SLC9A7: variants seen among roughly 807,000 people sequenced by gnomAD.
SLC9A7 encodes the protein solute carrier family 9 member A7.
Under a neutral mutation model 52.6 loss-of-function variants are expected in SLC9A7, and 19 were observed. The ratio of observed to expected loss-of-function variants is 0.36; its 90% CI spans 0.25 to 0.53. The LOEUF is 0.53. Ranked by LOEUF, SLC9A7 falls within the 20% of genes least tolerant of loss-of-function variation. The pLI is 0.91. For synonymous variants in SLC9A7, 226 were observed against 252.1 expected (o/e 0.90, Z 0.98); for missense variants, 455 against 597.9 (o/e 0.76, Z 2.49).
chrX:46,738,095 GAAAGAAAGAAAGAGAAA>G (rs1921002857), intron 1 of SLC9A7, among the ~76,000 whole-genome samples: 10 of 56,708 alleles, frequency 1.8e-4, no homozygotes, highest in South Asian at 7.1e-4. Context: ...AAGAAAGAAA[GAAAGAAAGAAAGAGAAA>G]AGAAAAGAAA....
chrX:46,712,500 T>C (rs1346375846), intron 1 of SLC9A7, among the ~76,000 whole-genome samples: 4 of 111,418 alleles, frequency 3.6e-5, no homozygotes, highest in African/African-American at 1.3e-4. Context: ...CCACCCCCAT[T>C]AATCAAAACA....
In SLC9A7 at chrX:46,758,915, C is replaced by A; in HGVS notation, c.115G>T (p.Ala39Ser). The A allele has an allele frequency of 8.6e-7, 1 of 1,156,554 alleles. No homozygotes were observed. The highest frequency in any genetic ancestry group is 2.0e-5 in the South Asian group (1 of 50,580). Residue 39 changes from alanine to serine, a missense_variant, in exon 1 of 17, where the codon GCC becomes TCC. By Grantham distance (99) the Ala-to-Ser change is moderately conservative (BLOSUM62 1). This residue lies in a region of SLC9A7 where 304 missense variants were observed against 417.8 expected (regional missense o/e 0.73). Coordinates refer to ENST00000616978, the MANE Select transcript of SLC9A7 (RefSeq NM_001257291.2). ...LGWGLRVAAA[A>S]SASSSGAAAE... is the part of the protein sequence containing the mutation. ...GCCGCCCCAGAGGAGGAGGCCGAGG[C>A]CGCGGCCGCGACTCGCAGCCCCCAA...
At chrX:46,737,887 T>C (rs1173429592) in intron 1 of SLC9A7, among the ~76,000 whole-genome samples, 2 of 107,434 alleles carry the variant, frequency 1.9e-5, no homozygotes, top group Non-Finnish European at 3.8e-5. Context: ...AACTAGCAAG[T>C]GTGGTGGCAT....
chrX:46,737,781 C>T (rs977307291), intron 1 of SLC9A7, among the ~76,000 whole-genome samples: 1 of 110,798 alleles, frequency 9.0e-6, no homozygotes, highest in Non-Finnish European at 1.9e-5. Flanking sequence ...AATTCCAGCA[C>T]TTTGGGAGAC....
At chrX:46,695,351 A>G (rs907135927) in intron 1 of SLC9A7, among the ~76,000 whole-genome samples, 1 of 112,550 alleles carries the variant, frequency 8.9e-6, no homozygotes, top group African/African-American at 3.2e-5. Flanking sequence ...CCAGCAGACA[A>G]TATATTCTGT....
chrX:46,612,718 G>T (rs1035369043), intron 16 of SLC9A7, among the ~76,000 whole-genome samples: 4 of 108,599 alleles, frequency 3.7e-5, no homozygotes, highest in Non-Finnish European at 7.6e-5. Context: ...ACGAGGTCAG[G>T]AGTTCAAGAC....
At chrX:46,743,159 A>G (rs994867481) in intron 1 of SLC9A7, among the ~76,000 whole-genome samples, 19 of 112,364 alleles carry the variant, frequency 1.7e-4, no homozygotes, top group Non-Finnish European at 2.3e-4. Context: ...AGTTGACACC[A>G]CATATTACTC....
intron 5 of SLC9A7, among the ~76,000 whole-genome samples, chrX:46,667,789 C>T (rs1342686766): frequency 8.9e-6 from 1 of 112,251 alleles, no homozygotes; most frequent in Non-Finnish European, 1.9e-5. Context: ...GAACTTCTTT[C>T]CCTAAGGTGT....
In SLC9A7 at chrX:46,679,690, G is replaced by A. The variant is rs748341549; in HGVS notation, c.591C>T (p.Tyr197=). 1.0e-5 allele frequency: 12 copies of A among 1,190,807 alleles called. No homozygotes were observed. The highest frequency in any genetic ancestry group is 1.4e-5 in the Non-Finnish European group (12 of 880,402). The change falls in exon 3 of 17, where the codon TAC becomes TAT. Residue 197 remains tyrosine, a synonymous_variant. Coordinates refer to ENST00000616978, the MANE Select transcript of SLC9A7 (RefSeq NM_001257291.2). ...LLPPIIFHAG[Y]SLKKRHFFRN... ...AAAAACATCTTACCTTCTTTAAGCT[G>A]TATCCAGCATGAAAAATAATTGGAG...
chrX:46,662,657 C>T lies in SLC9A7; in HGVS notation c.794-14G>A, dbSNP rs760552511. The T allele has an allele frequency of 3.5e-6, 4 of 1,156,420 alleles. No individual in the cohort carries two copies. Among genetic ancestry groups the T allele is most frequent in the South Asian group, 1.8e-5 (1 of 54,708 alleles). ...CCAGCACAGTCACTGAAAAGTGAGC[C>T]GAAAGCACAGAAATTAGTTTTGGTT... On this transcript the variant is annotated splice_polypyrimidine_tract_variant and intron_variant, in intron 5 of 16. Transcript: ENST00000616978.
chrX:46,609,463 G>A (rs1372513199), intron 16 of SLC9A7, among the ~76,000 whole-genome samples: 1 of 112,354 alleles, frequency 8.9e-6, no homozygotes, highest in Non-Finnish European at 1.9e-5. Context: ...CACTTTGGGA[G>A]GCCAAGGAGG....
chrX:46,649,122 A>C (rs1183177168), intron 10 of SLC9A7, among the ~76,000 whole-genome samples: 2 of 92,638 alleles, frequency 2.2e-5, no homozygotes. Flanking sequence ...CTATCTAAAA[A>C]GGAGTCCAGA....
chrX:46,630,282 T>A (rs921629370), intron 14 of SLC9A7, among the ~76,000 whole-genome samples: 2 of 111,840 alleles, frequency 1.8e-5, no homozygotes, highest in African/African-American at 6.5e-5. Flanking sequence ...GAAGATCCTA[T>A]GGAATGTGAA....
chrX:46,722,212 T>G (rs185904267), intron 1 of SLC9A7, among the ~76,000 whole-genome samples: 10 of 111,917 alleles, frequency 8.9e-5, no homozygotes, highest in Admixed American at 1.9e-4. Context: ...AATGTGGGTT[T>G]CAAAACAAAA....
intron 15 of SLC9A7, among the ~76,000 whole-genome samples, chrX:46,615,335 C>T (rs1218335131): frequency 1.8e-5 from 2 of 112,260 alleles, no homozygotes; most frequent in African/African-American, 6.5e-5. Flanking sequence ...GCCAACGCGC[C>T]CGGCCTGGAG....
chrX:46,620,401 GGAGT>G (rs1230232686), intron 15 of SLC9A7, among the ~76,000 whole-genome samples: 9 of 111,177 alleles, frequency 8.1e-5, no homozygotes, highest in Non-Finnish European at 1.1e-4. Context: ...CCTGGGCAAT[GGAGT>G]GAGACCTCAT....
At chrX:46,672,448 T>C in intron 4 of SLC9A7, 103 bp downstream of exon 4, 1 of 571,712 alleles carries the variant, frequency 1.7e-6, no homozygotes, top group African/African-American at 2.2e-5. Context: ...TGATCCTGAC[T>C]GCCATCATCA....
chrX:46,659,212 G>A (rs1372091653), intron 7 of SLC9A7, among the ~76,000 whole-genome samples: 2 of 111,512 alleles, frequency 1.8e-5, no homozygotes, highest in Non-Finnish European at 3.8e-5. Flanking sequence ...AGGTATTGAT[G>A]GGACGTATCT....
rs754202154 is a variant in SLC9A7, at chrX:46,627,465, A to T, written c.1740+4121T>A. Among the ~76,000 whole-genome samples the T allele has an allele frequency of 2.7e-5, 3 of 111,880 alleles. No individual in the cohort carries two copies. In the Admixed American group the frequency reaches 2.8e-4, roughly 11 times the overall value. ...ACACACATTCCCTGGAGACACTGTT[A>T]AAATGCAGATTCTGCTTCAGTGGGG... is the stretch of plus-strand genomic sequence containing the variant. On this transcript the variant is annotated intron_variant, in intron 14 of 16. Transcript: ENST00000616978.
Sources: gnomAD v4.1 joint callset for allele counts (sites outside exome capture counted in the v4.1 genomes callset) on GRCh38, gnomAD v4.1.1 for gene constraint, gnomAD v4.1.1 regional missense constraint, MANE v1.5 for transcripts, NCBI Gene and HGNC (gene_info 2026-07-23, HGNC 2026-07-21) for gene names.